Variants in SPEN observed in about 807,000 individuals in gnomAD.
SPEN encodes the protein msx2-interacting protein.
Under a neutral mutation model 269.9 loss-of-function variants are expected in SPEN, and 18 were observed. The ratio of observed to expected loss-of-function variants is 0.07; its 90% CI spans 0.05 to 0.10. The LOEUF (loss-of-function observed/expected upper bound fraction) is 0.10. Among genes scored for constraint, SPEN ranks in the 10% least tolerant of loss-of-function variants. SPEN has a pLI of 1.00. For synonymous variants in SPEN, 1,726 were observed against 1,765.7 expected (o/e 0.98, Z 0.56); for missense variants, 3,822 against 4,631.2 (o/e 0.83, Z 5.07).
chr1:15,871,127 C>T (rs1230513734), intron 1 of SPEN, among the ~76,000 whole-genome samples: 1 of 152,034 alleles, frequency 6.6e-6, no homozygotes, highest in African/African-American at 2.4e-5. Context: ...TGCCACCACA[C>T]CTTGCTAATT....
chr1:15,933,036 G>A lies in SPEN; in HGVS notation c.6796G>A (p.Asp2266Asn), dbSNP rs138783204. The A allele has an allele frequency of 6.9e-5, 111 of 1,614,010 alleles. No individual in the cohort carries two copies. Among genetic ancestry groups the A allele is most frequent in the Non-Finnish European group, 8.6e-5 (101 of 1,179,970 alleles). Reference protein sequence around the residue: ...LQPSEEGMETDEAVSGILETE... With the variant: ...LQPSEEGMETNEAVSGILETE... The stretch of plus-strand genomic sequence containing the variant: ...GCCTTCTGAGGAAGGAATGGAGACA[G>A]ATGAGGCTGTATCTGGCATCCTGGA... Residue 2266 changes from aspartate to asparagine, a missense_variant, in exon 11 of 15, where the codon GAT becomes AAT. Transcript: ENST00000375759. The surrounding 1 kb of genome is among the most constrained non-coding windows in gnomAD (Gnocchi z 5.7).
Position 15,872,932 on chromosome 1 carries a change from A to G in SPEN, c.200A>G (p.Asn67Ser). The change falls in exon 2 of 15, where the codon AAC (asparagine) becomes AGC (serine). Residue 67 changes from asparagine (N) to serine (S), a missense_variant. By Grantham distance (46) the Asn-to-Ser change is conservative (BLOSUM62 1). This residue lies in a region of SPEN where 327 missense variants were observed against 350.8 expected (regional missense o/e 0.93). Coordinates refer to ENST00000375759, the MANE Select transcript of SPEN (RefSeq NM_015001.3). ...KSAQKAHNSV[N>S]KMGDRDLRTD... ...GCACAGAAAGCTCACAACTCGGTCAACAAAATGGGTGACAGAGACCTACGC... is the reference window on the plus strand; with the variant it reads ...GCACAGAAAGCTCACAACTCGGTCAGCAAAATGGGTGACAGAGACCTACGC... 1 of 1,608,322 alleles carries G rather than the reference A, an allele frequency of 6.2e-7. No homozygotes were observed. Among genetic ancestry groups the G allele is most frequent in the African/African-American group, 1.3e-5 (1 of 74,966 alleles).
intron 1 of SPEN, among the ~76,000 whole-genome samples, chr1:15,856,391 G>T (rs2070387087): frequency 6.6e-6 from 1 of 151,840 alleles, no homozygotes; most frequent in Non-Finnish European, 1.5e-5. Context: ...ACTTCTTACT[G>T]GGATCTAATA....
chr1:15,893,140 C>G (rs1457745210), intron 3 of SPEN, among the ~76,000 whole-genome samples: 1 of 152,180 alleles, frequency 6.6e-6, no homozygotes, highest in Non-Finnish European at 1.5e-5. Context: ...ATCTGATGAT[C>G]ATTTTTAAGT....
At chr1:15,910,268 G>C (rs1317169293) in intron 4 of SPEN, among the ~76,000 whole-genome samples, 1 of 152,014 alleles carries the variant, frequency 6.6e-6, no homozygotes, top group East Asian at 1.9e-4. Flanking sequence ...ATGGACAAGG[G>C]AGTAAAATTG....
At chr1:15,895,141 C>T (rs1449776162) in intron 3 of SPEN, among the ~76,000 whole-genome samples, 3 of 151,910 alleles carry the variant, frequency 2.0e-5, no homozygotes, top group East Asian at 1.9e-4. Flanking sequence ...AGGCTGATCT[C>T]GAGCTCCCGA....
chr1:15,928,972 C>T lies in SPEN; in HGVS notation c.2732C>T (p.Ser911Phe). 6.2e-7 allele frequency: 1 copy of T among 1,614,236 alleles called. No homozygotes were observed. The highest frequency in any genetic ancestry group is 8.5e-7 in the Non-Finnish European group (1 of 1,180,038). The change falls in exon 11 of 15, where the codon TCT becomes TTT. Residue 911 changes from serine (S) to phenylalanine (F), a missense_variant. Physicochemically the swap from Ser to Phe is radical, Grantham distance 155. This residue lies in a region of SPEN where 572 missense variants were observed against 582.6 expected (regional missense o/e 0.98). Transcript: ENST00000375759. The surrounding 1 kb of genome is among the most constrained non-coding windows in gnomAD (Gnocchi z 5.7). ...AKLDNDTVKS[S>F]ALDQKLQVSQ... ...CTTGATAATGACACTGTCAAATCTT[C>T]TGCCCTGGACCAGAAACTTCAGGTC...
At chr1:15,892,126 T>C (rs1420062266) in intron 3 of SPEN, among the ~76,000 whole-genome samples, 3 of 150,436 alleles carry the variant, frequency 2.0e-5, no homozygotes, top group Admixed American at 6.6e-5. Context: ...GTTCACGTCA[T>C]TCTCCTGCCT....
At chr1:15,920,098 C>T (rs1363424854) in intron 8 of SPEN, among the ~76,000 whole-genome samples, 1 of 151,368 alleles carries the variant, frequency 6.6e-6, no homozygotes, top group East Asian at 1.9e-4. Context: ...GAGACAGAGT[C>T]TCACTCTGTC....
rs768716528 is a variant in SPEN at position 15,932,774 on chromosome 1, C to T, written c.6534C>T (p.Ile2178=). The stretch of plus-strand genomic sequence containing the variant: ...AGCTGGAGCAGGCCGTGGAACACAT[C>T]GCAAAGCTCGCTGAGGCCTCTGCCT... ...QMELEQAVEH[I]AKLAEASASA... Residue 2178 remains isoleucine, a synonymous_variant, in exon 11 of 15, where the codon ATC becomes ATT. Coordinates refer to ENST00000375759, the MANE Select transcript of SPEN (RefSeq NM_015001.3). This position sits in a 1 kb window ranked among gnomAD's most constrained non-coding sequence, Gnocchi z 4.2. 184 of 1,614,078 alleles carry T rather than the reference C, an allele frequency of 1.1e-4. No individual in the cohort carries two copies. The highest frequency in any genetic ancestry group is 1.5e-4 in the Non-Finnish European group (175 of 1,180,036).
rs61782190 is a variant in SPEN at position 15,848,896 on chromosome 1, A to C, written c.83+746A>C. Among the ~76,000 whole-genome samples the C allele has an allele frequency of 0.16, 24,034 of 152,024 alleles. 2,173 individuals are homozygous for C. Among genetic ancestry groups the C allele is most frequent in the Admixed American group, 0.26 (3,938 of 15,262 alleles). ...GCCCGTAGCCTCGGGTCGCACTCCC[A>C]GGCCGCCCTAAGACCCTGGTGCCCC... On this transcript the variant is annotated intron_variant, in intron 1 of 14. Transcript: ENST00000375759. This position sits in a 1 kb window ranked among gnomAD's most constrained non-coding sequence, Gnocchi z 5.1.
chr1:15,909,374 C>G lies in SPEN; in HGVS notation c.935C>G (p.Ser312Cys), dbSNP rs2148728225. Residue 312 changes from serine to cysteine, a missense_variant, in exon 4 of 15, where the codon TCT (serine) becomes TGT (cysteine). Ser to Cys is a moderately radical substitution (Grantham distance 112). Coordinates refer to ENST00000375759, the MANE Select transcript of SPEN (RefSeq NM_015001.3). Reference protein sequence around the residue: ...SDDSPARSVQSAAVPAPTSQL... With the variant: ...SDDSPARSVQCAAVPAPTSQL... ...GATTCTCCAGCTCGATCAGTTCAGT[C>G]TGCAGCAGTCCCTGCACCCACTTCC... 1 of 1,614,188 alleles carries G rather than the reference C, an allele frequency of 6.2e-7. No homozygotes were observed. Among genetic ancestry groups the G allele is most frequent in the Non-Finnish European group, 8.5e-7 (1 of 1,180,044 alleles).
chr1:15,849,186 CTG>C (rs760292514), intron 1 of SPEN, among the ~76,000 whole-genome samples: 1 of 152,156 alleles, frequency 6.6e-6, no homozygotes, highest in Non-Finnish European at 1.5e-5. Context: ...CATAGCAAAT[CTG>C]TGGTTGTCCT....
Position 15,928,452 on chromosome 1 carries a change from G to A in SPEN, c.2212G>A (p.Gly738Arg), listed in dbSNP as rs771620491. ...TCACTTGCGACGTCCACAGAGTCCT[G>A]GAGCGTCTCCCTCTCAGGCAGAGAG... ...PVHLRRPQSPGASPSQAERLP... is the reference protein window; with the variant it reads ...PVHLRRPQSPRASPSQAERLP... Residue 738 changes from glycine (G) to arginine (R), a missense_variant, in exon 11 of 15, where the codon GGA (glycine) becomes AGA (arginine). Transcript: ENST00000375759. The surrounding 1 kb of genome is among the most constrained non-coding windows in gnomAD (Gnocchi z 5.7). 8.7e-6 allele frequency: 14 copies of A among 1,614,152 alleles called. No homozygotes were observed. In the Admixed American group the frequency reaches 2.3e-4, roughly 27 times the overall value.
At chr1:15,874,428 C>A in intron 2 of SPEN, 1 of 1,311,700 alleles carries the variant, frequency 7.6e-7, no homozygotes, top group Non-Finnish European at 1.0e-6. Flanking sequence ...ATATTAGCCC[C>A]TCTCCTAACC....
intron 1 of SPEN, among the ~76,000 whole-genome samples, chr1:15,853,870 T>C (rs2070360433): frequency 6.6e-6 from 1 of 152,124 alleles, no homozygotes; most frequent in Non-Finnish European, 1.5e-5. Context: ...GGTTTCACTA[T>C]GTCGGCCAGG....
At chr1:15,859,207 A>G (rs1250184741) in intron 1 of SPEN, among the ~76,000 whole-genome samples, 1 of 144,610 alleles carries the variant, frequency 6.9e-6, no homozygotes, top group South Asian at 2.2e-4. Context: ...TGCAGTGGCT[A>G]TACACAGGTG....
chr1:15,864,828 C>G (rs994412145), intron 1 of SPEN, among the ~76,000 whole-genome samples: 2 of 146,600 alleles, frequency 1.4e-5, no homozygotes, highest in African/African-American at 5.0e-5. Flanking sequence ...TACTAAGTGC[C>G]AACACACCTG....
At chr1:15,884,570 C>T (rs565440585) in intron 3 of SPEN, among the ~76,000 whole-genome samples, 6 of 152,146 alleles carry the variant, frequency 3.9e-5, no homozygotes, top group African/African-American at 1.4e-4. Flanking sequence ...TATGTGCATT[C>T]AGGTGTCAAT....
Sources: gnomAD v4.1 joint callset for allele counts (sites outside exome capture counted in the v4.1 genomes callset) on GRCh38, gnomAD v4.1.1 for gene constraint, gnomAD v4.1.1 regional missense constraint, Gnocchi (gnomAD v3.1) non-coding constraint, MANE v1.5 for transcripts, NCBI Gene and HGNC (gene_info 2026-07-23, HGNC 2026-07-21) for gene names.